The following GNG5 variants were observed in gnomAD, a reference collection of about 807,000 sequenced individuals.
GNG5 encodes the protein guanine nucleotide-binding protein G(I)/G(S)/G(O) subunit gamma-5.
A neutral mutation model predicts 6.2 loss-of-function variants in GNG5; 2 were observed. That is an observed-to-expected ratio of 0.32 (90% CI 0.13 to 1.01). The LOEUF is 1.01. GNG5 is among the 50% of genes least tolerant of loss of function. The pLI is 0.48. For missense variants in GNG5, 57 were observed against 80.2 expected, an observed-to-expected ratio of 0.71 and a Z score of 1.10; for synonymous variants, 24 against 33.0, an observed-to-expected ratio of 0.73 and a Z score of 0.93.
Position 84,503,299 on chromosome 1 carries a change from G to A in GNG5, c.82-1329C>T, listed in dbSNP as rs188116593. On this transcript the variant is annotated intron_variant, in intron 2 of 3. Coordinates refer to ENST00000370645, the MANE Select transcript of GNG5 (RefSeq NM_005274.3). Reference sequence around the variant, plus strand: ...GTGTCCAGTCCATCCAGCTGGATATGTGGCCTCAGGGAATTAATAGCATCA... The same window carrying A: ...GTGTCCAGTCCATCCAGCTGGATATATGGCCTCAGGGAATTAATAGCATCA... Among the ~76,000 whole-genome samples, 32 of 152,286 alleles carry A rather than the reference G, an allele frequency of 2.1e-4. 1 individual carries two copies. The highest frequency in any genetic ancestry group is 2.2e-4 in the Non-Finnish European group (15 of 68,004).
intron 3 of GNG5, among the ~76,000 whole-genome samples, chr1:84,498,908 C>G (rs1681996606): frequency 6.6e-6 from 1 of 152,124 alleles, no homozygotes; most frequent in Admixed American, 6.5e-5. Flanking sequence ...AACCACACTT[C>G]TAGTTACCTA....
chr1:84,505,859 C>T lies in GNG5; in HGVS notation c.81+152G>A, dbSNP rs1682187901. ...GACCCACGCGGCGCCTGCTCTAAAG[C>T]TGGCCGCTCCCCGATCGCCGCCGCT... On this transcript the variant is annotated intron_variant, in intron 2 of 3. Transcript: ENST00000370645. 1.7e-5 allele frequency: 8 copies of T among 472,422 alleles called. No individual in the cohort carries two copies. In the South Asian group the frequency reaches 3.9e-4, roughly 23 times the overall value. 29.3% of individuals were successfully genotyped at this position (472,422 alleles called of 1,614,324 possible).
At chr1:84,499,718 T>C (rs990285891) in intron 3 of GNG5, among the ~76,000 whole-genome samples, 2 of 152,244 alleles carry the variant, frequency 1.3e-5, no homozygotes, top group Non-Finnish European at 2.9e-5. Context: ...CATGTTCTAC[T>C]GATTAACAGT....
chr1:84,504,110 T>C (rs975298064), intron 2 of GNG5, among the ~76,000 whole-genome samples: 2 of 152,198 alleles, frequency 1.3e-5, no homozygotes, highest in African/African-American at 4.8e-5. Context: ...CTATGACAGT[T>C]TGTCAAGCAC....
At chr1:84,504,523 T>C (rs563303884) in intron 2 of GNG5, among the ~76,000 whole-genome samples, 1 of 152,314 alleles carries the variant, frequency 6.6e-6, no homozygotes, top group South Asian at 2.1e-4. Context: ...AGATGTACAA[T>C]TTATTGCTTT....
At chr1:84,505,412 G>C (rs945058154) in intron 2 of GNG5, among the ~76,000 whole-genome samples, 1 of 152,208 alleles carries the variant, frequency 6.6e-6, no homozygotes, top group Non-Finnish European at 1.5e-5. Flanking sequence ...GTTGTACGGG[G>C]CACTGACCGG....
intron 3 of GNG5, among the ~76,000 whole-genome samples, chr1:84,500,439 A>G (rs1221551333): frequency 1.3e-5 from 2 of 152,208 alleles, no homozygotes; most frequent in African/African-American, 4.8e-5. Flanking sequence ...GTAGATTCCT[A>G]TGAAGTAAAA....
chr1:84,502,904 A>G (rs1682086492), intron 2 of GNG5, among the ~76,000 whole-genome samples: 1 of 152,268 alleles, frequency 6.6e-6, no homozygotes, highest in African/African-American at 2.4e-5. Flanking sequence ...ATATTCTGCT[A>G]AGGTGATGTA....
At chr1:84,502,916 G>A (rs1682086591) in intron 2 of GNG5, among the ~76,000 whole-genome samples, 1 of 152,176 alleles carries the variant, frequency 6.6e-6, no homozygotes, top group African/African-American at 2.4e-5. Flanking sequence ...GGTGATGTAG[G>A]ATATAAACAA....
chr1:84,499,483 C>CCTCTAT (rs1682009450), intron 3 of GNG5, among the ~76,000 whole-genome samples: 1 of 152,114 alleles, frequency 6.6e-6, no homozygotes, highest in Non-Finnish European at 1.5e-5. Context: ...AATAGAGGTA[C>CCTCTAT]TAAGTATATA....
chr1:84,498,880 TAGTGA>T (rs1681995767), intron 3 of GNG5, among the ~76,000 whole-genome samples: 1 of 152,178 alleles, frequency 6.6e-6, no homozygotes, highest in Non-Finnish European at 1.5e-5. Context: ...TGGCAGTATC[TAGTGA>T]AGTAAAGGAT....
chr1:84,505,809 A>T (rs1392579087), intron 2 of GNG5, among the ~76,000 whole-genome samples: 1 of 152,192 alleles, frequency 6.6e-6, no homozygotes. Context: ...AGGGCGAACT[A>T]ATCGTCCCCC....
At chr1:84,505,948 G>GGCCGCCGGATCCCACCCGCC in intron 2 of GNG5, 63 bp downstream of exon 2, 1 of 1,193,848 alleles carries the variant, frequency 8.4e-7, no homozygotes. Flanking sequence ...CCGCCAGCTG[G>GGCCGCCGGATCCCACCCGCC]GCCGCCGGAT....
intron 2 of GNG5, among the ~76,000 whole-genome samples, chr1:84,504,881 C>T (rs2101893237): frequency 6.6e-6 from 1 of 152,158 alleles, no homozygotes; most frequent in Middle Eastern, 3.4e-3. Flanking sequence ...GAGGATCCTG[C>T]ACCAAGACGA....
chr1:84,506,277 TCCA>T lies in GNG5; in HGVS notation c.-189_-187del. 2.2e-6 allele frequency: 1 copy of T among 444,684 alleles called. No individual in the cohort carries two copies. Among genetic ancestry groups the T allele is most frequent in the Non-Finnish European group, 3.9e-6 (1 of 254,162 alleles). 27.5% of individuals were successfully genotyped at this position (444,684 alleles called of 1,614,324 possible). On this transcript the variant is annotated 5_prime_UTR_variant, in exon 2 of 4. Coordinates refer to ENST00000370645, the MANE Select transcript of GNG5 (RefSeq NM_005274.3). ...CGCCTTGCCAGCCCTCTGTTCCAGC[TCCA>T]CACCCGGCCCCGAGCGCGAGCCTGG...
intron 3 of GNG5, among the ~76,000 whole-genome samples, chr1:84,499,663 T>C (rs781189323): frequency 1.3e-5 from 2 of 152,208 alleles, no homozygotes; most frequent in Non-Finnish European, 2.9e-5. Context: ...AAACGGCGAA[T>C]ACTGTCAATA....
rs775937717 is a variant in GNG5, at chr1:84,501,801, T to G, written c.*19+25A>C. On this transcript the variant is annotated intron_variant, in intron 3 of 3. Transcript: ENST00000370645. ...CTAGTTATTCCTACAGTGTGGGTTT[T>G]TGTTTTAAATTTAAGGAAACTTACC... The G allele has an allele frequency of 8.1e-6, 12 of 1,481,596 alleles. No individual in the cohort carries two copies. The African/African-American group carries it at 1.5e-4, about 19-fold the overall frequency. 91.8% of individuals were successfully genotyped at this position (1,481,596 alleles called of 1,614,324 possible). A position where few individuals can be genotyped will look rare whatever the true frequency, so the allele number is the denominator to read the frequency against.
chr1:84,506,360 C>A (rs1188893959), intron 1 of GNG5, 59 bp from the exon 2 acceptor site: 7 of 342,898 alleles, frequency 2.0e-5, no homozygotes, highest in Non-Finnish European at 2.1e-5. Context: ...CTGCTGGAGG[C>A]TAGCGCGACC....
Position 84,506,320 on chromosome 1 carries a change from A to G in GNG5, c.-210-19T>C, listed in dbSNP as rs1570366843. On this transcript the variant is annotated intron_variant, in intron 1 of 3. Coordinates refer to ENST00000370645, the MANE Select transcript of GNG5 (RefSeq NM_005274.3). ...CGCGAGCCTGGAGGAGGGGGAGGAG[A>G]AGGGGCGGAGCAGTCGGTGGGCGCG... 10 of 400,654 alleles carry G rather than the reference A, an allele frequency of 2.5e-5. No individual in the cohort carries two copies. The East Asian group carries it at 3.8e-4, about 15-fold the overall frequency. The allele number at this position is 400,654 out of a possible 1,614,324, so 24.8% of individuals were successfully genotyped here.
Sources: gnomAD v4.1 joint callset for allele counts (sites outside exome capture counted in the v4.1 genomes callset) on GRCh38, gnomAD v4.1.1 for gene constraint, MANE v1.5 for transcripts, NCBI Gene and HGNC (gene_info 2026-07-23, HGNC 2026-07-21) for gene names.